The following TRIM44 variants were observed in gnomAD, a reference collection of about 807,000 sequenced individuals.
TRIM44 encodes tripartite motif-containing protein 44.
A neutral mutation model predicts 37.4 loss-of-function variants in TRIM44; 13 were observed. The observed-to-expected ratio is 0.35, with a 90% CI of 0.23 to 0.55. The LOEUF (loss-of-function observed/expected upper bound fraction) is 0.55, where lower values mean the gene tolerates loss of function less well. Ranked by LOEUF, TRIM44 falls within the 20% of genes least tolerant of loss-of-function variation. The pLI, the probability that TRIM44 is intolerant of heterozygous loss-of-function variation, is 0.89. For missense variants in TRIM44, 426 were observed against 437.2 expected (o/e 0.97, Z 0.23); for synonymous variants, 175 against 157.2 (o/e 1.11, Z -0.85).
chr11:35,699,717 C>G lies in TRIM44; in HGVS notation c.747+14381C>G, dbSNP rs118191021. On this transcript the variant is annotated intron_variant, in intron 2 of 4. Transcript: ENST00000299413. ...ATCTAGAAAATGCCGTCGTCTCAGC[C>G]CAAAATCTCCTTAAGCCCATAGGCA... Among the ~76,000 whole-genome samples, 160 of 151,332 alleles carry G rather than the reference C, an allele frequency of 1.1e-3. 1 individual carries two copies. The highest frequency in any genetic ancestry group is 1.7e-3 in the Non-Finnish European group (116 of 67,916).
In TRIM44 at chr11:35,685,368, G is replaced by A. The variant is rs780969610; in HGVS notation, c.747+32G>A. 4 of 1,571,866 alleles carry A rather than the reference G, an allele frequency of 2.5e-6. No homozygotes were observed. In the South Asian group the frequency reaches 4.5e-5, roughly 18 times the overall value. On this transcript the variant is annotated intron_variant, in intron 2 of 4. Coordinates refer to ENST00000299413, the MANE Select transcript of TRIM44 (RefSeq NM_017583.6). The stretch of plus-strand genomic sequence containing the variant: ...ATTGTTTGGAATTGATTGGGTGTTG[G>A]TACCCCAAGCATTTCATTCTCCTTG...
intron 3 of TRIM44, 84 bp from the exon 4 acceptor site, chr11:35,735,342 G>T: frequency 7.2e-7 from 1 of 1,389,096 alleles, no homozygotes; most frequent in Non-Finnish European, 1.0e-6. Flanking sequence ...TTCAGGTTGG[G>T]AGAGGGGAGG....
At position 35,785,793 on chromosome 11, in the gene TRIM44, T is replaced by C. The variant is rs190814587; in HGVS notation, c.1008-20565T>C. ...TTTGCATCAATTCATCCTACACATG[T>C]CTTTTGCCTCCTAAAACGTTCAAGG... On this transcript the variant is annotated intron_variant, in intron 4 of 4. Transcript: ENST00000299413. 1.8e-4 allele frequency among the ~76,000 whole-genome samples: 27 copies of C among 152,328 alleles called. 1 individual carries two copies. The highest frequency in any genetic ancestry group is 3.2e-4 in the Non-Finnish European group (22 of 68,022).
chr11:35,701,589 C>A (rs951454393), intron 2 of TRIM44, among the ~76,000 whole-genome samples: 1 of 152,088 alleles, frequency 6.6e-6, no homozygotes, highest in East Asian at 1.9e-4. Flanking sequence ...AAAGAGAAAC[C>A]ACAGTCACGT....
intron 4 of TRIM44, among the ~76,000 whole-genome samples, chr11:35,800,271 G>C (rs1416485007): frequency 6.6e-6 from 1 of 152,202 alleles, no homozygotes; most frequent in East Asian, 1.9e-4. Flanking sequence ...GACCCAAAGA[G>C]TGAGCGAGCA....
chr11:35,772,875 T>C (rs1852892509), intron 4 of TRIM44, among the ~76,000 whole-genome samples: 1 of 152,112 alleles, frequency 6.6e-6, no homozygotes, highest in Non-Finnish European at 1.5e-5. Flanking sequence ...GCATGATTGG[T>C]TTTGAAATGT....
At chr11:35,768,460 A>G (rs1301644093) in intron 4 of TRIM44, among the ~76,000 whole-genome samples, 1 of 152,118 alleles carries the variant, frequency 6.6e-6, no homozygotes, top group Non-Finnish European at 1.5e-5. Flanking sequence ...ATTTTTCCCA[A>G]TATGCCTCAC....
intron 4 of TRIM44, among the ~76,000 whole-genome samples, chr11:35,772,096 C>T (rs1392567675): frequency 2.6e-5 from 4 of 152,238 alleles, no homozygotes; most frequent in Non-Finnish European, 5.9e-5. Flanking sequence ...CGGGCCTTGG[C>T]TTCAGAGGGT....
At chr11:35,677,450 G>T (rs1394915195) in intron 1 of TRIM44, among the ~76,000 whole-genome samples, 1 of 151,148 alleles carries the variant, frequency 6.6e-6, no homozygotes, top group Non-Finnish European at 1.5e-5. Context: ...ACTTCTCTAG[G>T]TCAATACCTG....
chr11:35,725,893 CTTA>C (rs1564980033), intron 2 of TRIM44, 28 bp from the exon 3 acceptor site: 2 of 1,608,426 alleles, frequency 1.2e-6, no homozygotes, highest in South Asian at 2.2e-5. Flanking sequence ...GTATGTTCAA[CTTA>C]TTCTTCTTAT....
intron 4 of TRIM44, among the ~76,000 whole-genome samples, chr11:35,753,337 T>A (rs1172611892): frequency 1.3e-5 from 2 of 152,212 alleles, no homozygotes; most frequent in African/African-American, 4.8e-5. Flanking sequence ...AGGGAATTTA[T>A]ACAGACCCAT....
intron 2 of TRIM44, among the ~76,000 whole-genome samples, chr11:35,700,442 C>T (rs768049565): frequency 2.6e-5 from 4 of 152,200 alleles, no homozygotes; most frequent in Admixed American, 2.0e-4. Flanking sequence ...TAATCTTTTA[C>T]CAAATGTACA....
chr11:35,763,649 A>C (rs1391817000), intron 4 of TRIM44, among the ~76,000 whole-genome samples: 2 of 152,192 alleles, frequency 1.3e-5, no homozygotes, highest in African/African-American at 4.8e-5. Flanking sequence ...AAGACCACAC[A>C]CTACTGGGAG....
chr11:35,746,314 A>G (rs1432206626), intron 4 of TRIM44, among the ~76,000 whole-genome samples: 2 of 152,086 alleles, frequency 1.3e-5, no homozygotes, highest in African/African-American at 4.8e-5. Flanking sequence ...CCACAGCAAA[A>G]TTGGTGGTGA....
At chr11:35,694,541 C>T (rs1851674037) in intron 2 of TRIM44, among the ~76,000 whole-genome samples, 1 of 151,406 alleles carries the variant, frequency 6.6e-6, no homozygotes, top group African/African-American at 2.4e-5. Context: ...ACACAACAGA[C>T]CCCCTTTTCA....
chr11:35,788,555 T>G (rs1300448222), intron 4 of TRIM44, among the ~76,000 whole-genome samples: 1 of 152,228 alleles, frequency 6.6e-6, no homozygotes, highest in Non-Finnish European at 1.5e-5. Flanking sequence ...TTTGAGAGTC[T>G]GGTTTTGGCC....
At chr11:35,716,401 T>C (rs1852039958) in intron 2 of TRIM44, among the ~76,000 whole-genome samples, 1 of 151,940 alleles carries the variant, frequency 6.6e-6, no homozygotes, top group South Asian at 2.1e-4. Context: ...CTAAATGGGG[T>C]GAGCAGGGGG....
chr11:35,778,218 AC>A (rs1254480214), intron 4 of TRIM44, among the ~76,000 whole-genome samples: 5 of 152,206 alleles, frequency 3.3e-5, no homozygotes, highest in Admixed American at 3.3e-4. Flanking sequence ...ATCCTCGATC[AC>A]TGATACCCTT....
At chr11:35,674,097 C>T (rs879002724) in intron 1 of TRIM44, among the ~76,000 whole-genome samples, 2 of 151,918 alleles carry the variant, frequency 1.3e-5, no homozygotes, top group Admixed American at 6.6e-5. Flanking sequence ...GAATAGGAGA[C>T]GTATTATAGA....
Sources: gnomAD v4.1 joint callset for allele counts (sites outside exome capture counted in the v4.1 genomes callset) on GRCh38, gnomAD v4.1.1 for gene constraint, MANE v1.5 for transcripts, NCBI Gene and HGNC (gene_info 2026-07-23, HGNC 2026-07-21) for gene names.